VSIG1: variants seen among roughly 807,000 people sequenced by gnomAD.
The protein encoded by VSIG1 is V-set and immunoglobulin domain containing 1.
In VSIG1, 11 loss-of-function variants were observed where a neutral mutation model predicts 20.1. The ratio of observed to expected loss-of-function variants is 0.55; its 90% confidence interval spans 0.34 to 0.91. The LOEUF (loss-of-function observed/expected upper bound fraction) is 0.91, where lower values mean the gene tolerates loss of function less well. Ranked by LOEUF, VSIG1 falls within the 40% of genes least tolerant of loss-of-function variation. The pLI, the probability that VSIG1 is intolerant of heterozygous loss-of-function variation, is 0.02. For synonymous variants in VSIG1, 126 were observed against 116.7 expected (o/e 1.08, Z -0.52); for missense variants, 283 against 298.8 (o/e 0.95, Z 0.39).
chrX:108,066,923 T>C lies in VSIG1; in HGVS notation c.214-13T>C. The C allele has an allele frequency of 1.7e-6, 2 of 1,207,861 alleles. No homozygotes were observed. Among genetic ancestry groups the C allele is most frequent in the Non-Finnish European group, 2.2e-6 (2 of 892,115 alleles). ...CTCTCTCCAGTTCTCACTTCTGTTA[T>C]TTTTCTGTCTAGATTTACTTTTCTC... is the stretch of plus-strand genomic sequence containing the variant. On this transcript the variant is annotated splice_polypyrimidine_tract_variant and intron_variant, in intron 2 of 6. Transcript: ENST00000217957.
intron 2 of VSIG1, chrX:108,061,297 G>T (rs2031015882): frequency 2.2e-6 from 1 of 448,027 alleles, no homozygotes; most frequent in African/African-American, 2.4e-5. Context: ...ACAATTATGT[G>T]ATTTATGGGA....
chrX:108,023,262 A>G, the VSIG1 span, among the ~76,000 whole-genome samples: 2 of 111,984 alleles, frequency 1.8e-5, no homozygotes, highest in Admixed American at 1.9e-4. Context: ...ATGGTGTATT[A>G]CATTAATTTG....
intron 1 of VSIG1, among the ~76,000 whole-genome samples, chrX:108,047,986 A>G (rs1429205725): frequency 6.8e-5 from 5 of 73,333 alleles, no homozygotes. Context: ...ATATATATAT[A>G]TATATATATA....
chrX:108,062,966 A>G (rs1203834800), intron 2 of VSIG1, among the ~76,000 whole-genome samples: 2 of 112,332 alleles, frequency 1.8e-5, no homozygotes, highest in Middle Eastern at 4.6e-3. Flanking sequence ...TCTTGTTTAT[A>G]CTCCATGCTT....
At chrX:108,072,943 A>C in intron 4 of VSIG1, 111 bp downstream of exon 4, 3 of 844,162 alleles carry the variant, frequency 3.6e-6, no homozygotes, top group Non-Finnish European at 5.0e-6. Flanking sequence ...TTGTTTTCTC[A>C]GTGGTGGCGG....
intron 3 of VSIG1, among the ~76,000 whole-genome samples, chrX:108,072,265 T>G (rs1303836767): frequency 1.8e-5 from 2 of 110,569 alleles, no homozygotes; most frequent in Non-Finnish European, 3.8e-5. Flanking sequence ...TTTTTTTGTG[T>G]GTGTGGAGAC....
chrX:108,047,142 T>A (rs1018535864), intron 1 of VSIG1, among the ~76,000 whole-genome samples: 10 of 111,732 alleles, frequency 8.9e-5, no homozygotes, highest in Non-Finnish European at 1.5e-4. Context: ...GGAGAGAATG[T>A]CACTTTTTGG....
chrX:108,018,902 G>T, the VSIG1 span, among the ~76,000 whole-genome samples: 1 of 111,669 alleles, frequency 9.0e-6, no homozygotes, highest in Non-Finnish European at 1.9e-5. Flanking sequence ...GGCCCTCGTG[G>T]TGGTAACGGT....
chrX:108,027,150 A>G, the VSIG1 span, among the ~76,000 whole-genome samples: 2 of 111,633 alleles, frequency 1.8e-5, no homozygotes, highest in Non-Finnish European at 3.8e-5. Flanking sequence ...TTACCATATG[A>G]CCCAGCATTT....
chrX:108,044,412 A>G (rs1158277023), upstream of VSIG1, among the ~76,000 whole-genome samples: 1 of 112,007 alleles, frequency 8.9e-6, no homozygotes, highest in Non-Finnish European at 1.9e-5. Context: ...CTCCAAAGAA[A>G]GTCTTTAAGC....
At chrX:108,072,289 G>A (rs1431022671) in intron 3 of VSIG1, among the ~76,000 whole-genome samples, 1 of 110,926 alleles carries the variant, frequency 9.0e-6, no homozygotes, top group Admixed American at 9.6e-5. Context: ...GTCTCACTTT[G>A]TTGCTCAGGA....
chrX:108,038,664 G>A, the VSIG1 span, among the ~76,000 whole-genome samples: 4 of 112,124 alleles, frequency 3.6e-5, no homozygotes, highest in Middle Eastern at 4.6e-3. Context: ...ATACATCATG[G>A]AATACTATGC....
At chrX:108,074,163 T>C (rs2031308245) in intron 5 of VSIG1, among the ~76,000 whole-genome samples, 1 of 112,124 alleles carries the variant, frequency 8.9e-6, no homozygotes, top group African/African-American at 3.2e-5. Context: ...GAATTTGTGA[T>C]TTTAATATAT....
At chrX:108,052,412 C>T (rs2030803711) in intron 1 of VSIG1, among the ~76,000 whole-genome samples, 1 of 110,753 alleles carries the variant, frequency 9.0e-6, no homozygotes, top group African/African-American at 3.3e-5. Flanking sequence ...GAGCCTGGGC[C>T]ACGTGGTGAA....
At chrX:108,059,286 C>A (rs1473831159) in intron 2 of VSIG1, among the ~76,000 whole-genome samples, 1 of 111,438 alleles carries the variant, frequency 9.0e-6, no homozygotes, top group Non-Finnish European at 1.9e-5. Flanking sequence ...CACACGTTGG[C>A]CAGTGTCACT....
chrX:108,076,298 C>T, intron 6 of VSIG1, 80 bp downstream of exon 6: 1 of 1,058,929 alleles, frequency 9.4e-7, no homozygotes, highest in East Asian at 3.0e-5. Flanking sequence ...TTCCTAAGCA[C>T]TCCTTTTAGT....
At chrX:108,031,653 C>T in the VSIG1 span, among the ~76,000 whole-genome samples, 12 of 112,054 alleles carry the variant, frequency 1.1e-4, no homozygotes, top group Admixed American at 1.1e-3. Context: ...AAAATATTGG[C>T]CACCAAATTT....
upstream of VSIG1, among the ~76,000 whole-genome samples, chrX:108,042,566 G>A (rs923739917): frequency 3.5e-4 from 39 of 111,702 alleles, no homozygotes; most frequent in Non-Finnish European, 6.2e-4. Context: ...GGAAACACAG[G>A]AAGCTTCTGG....
At position 108,078,778 on chromosome X, in the gene VSIG1, T is replaced by C. The variant is rs1394335632; in HGVS notation, c.*1397T>C. On this transcript the variant is annotated 3_prime_UTR_variant, in exon 7 of 7. Coordinates refer to ENST00000217957, the MANE Select transcript of VSIG1 (RefSeq NM_182607.5). The stretch of plus-strand genomic sequence containing the variant: ...TGTTATCACTGTGTCTGATGTTATC[T>C]ACTTTGAAAGGCAGTCCAGAAAAGT... 1 of 112,534 alleles carries C rather than the reference T, an allele frequency of 8.9e-6. No individual in the cohort carries two copies. The highest frequency in any genetic ancestry group is 3.2e-5 in the African/African-American group (1 of 30,942). The allele number at this position is 112,534 out of a possible 1,213,427, so 9.3% of individuals were successfully genotyped here.
Sources: gnomAD v4.1 joint callset for allele counts (sites outside exome capture counted in the v4.1 genomes callset) on GRCh38, gnomAD v4.1.1 for gene constraint, MANE v1.5 for transcripts, NCBI Gene and HGNC (gene_info 2026-07-23, HGNC 2026-07-21) for gene names.